Variants in MYO9A observed in about 807,000 individuals in gnomAD.
The protein encoded by MYO9A is unconventional myosin-IXa.
MYO9A carries 103 observed loss-of-function variants against 293.3 expected under a neutral mutation model. That is an observed-to-expected ratio of 0.35 (90% CI 0.30 to 0.41). The LOEUF (loss-of-function observed/expected upper bound fraction) is 0.41. Ranked by LOEUF, MYO9A falls within the 10% of genes least tolerant of loss-of-function variation. The probability of loss-of-function intolerance (pLI) is 1.00; values close to 1 mark genes in which losing one functional copy is unlikely to be tolerated. For synonymous variants in MYO9A, 1,001 were observed against 1,035.7 expected (o/e 0.97, Z 0.64); for missense variants, 2,685 against 3,033.0 (o/e 0.89, Z 2.69).
At chr15:72,013,154 CAGACT>C (rs1320445246) in intron 6 of MYO9A, among the ~76,000 whole-genome samples, 2 of 152,130 alleles carry the variant, frequency 1.3e-5, no homozygotes, top group Non-Finnish European at 2.9e-5. Context: ...AAAGAGAAGA[CAGACT>C]AAACAGTCTG....
At chr15:72,078,409 T>C (rs987554127) in intron 1 of MYO9A, among the ~76,000 whole-genome samples, 2 of 152,066 alleles carry the variant, frequency 1.3e-5, no homozygotes, top group Non-Finnish European at 2.9e-5. Flanking sequence ...AGAGGATCCC[T>C]TGAACCAGAA....
intron 4 of MYO9A, among the ~76,000 whole-genome samples, chr15:72,025,642 A>T (rs1385000394): frequency 1.3e-5 from 2 of 152,132 alleles, no homozygotes; most frequent in Non-Finnish European, 2.9e-5. Flanking sequence ...GAGCCAGTGC[A>T]CCCGGCCACA....
At position 72,007,835 on chromosome 15, in the gene MYO9A, T is replaced by G. The variant is rs780515573; in HGVS notation, c.1371A>C (p.Glu457Asp). The change falls in exon 8 of 42, where the codon GAA (glutamate) becomes GAC (aspartate). Residue 457 changes from glutamate to aspartate, a missense_variant. Physicochemically the swap from Glu to Asp is conservative, Grantham distance 45 (BLOSUM62 2). Around this residue, in one of 10 missense-constraint regions of MYO9A, gnomAD observed 289 missense variants for 456.8 expected, o/e 0.63. Transcript: ENST00000356056. Reference protein sequence around the residue: ...CNPEVLPIVSELLEVKEEMLF... With the variant: ...CNPEVLPIVSDLLEVKEEMLF... ...AAATGTAATCACTCACCTCTAATAA[T>G]TCTGAGACAATAGGCAGAACTTCAG... The G allele has an allele frequency of 1.4e-5, 23 of 1,609,738 alleles. No homozygotes were observed. Among genetic ancestry groups the G allele is most frequent in the Non-Finnish European group, 1.7e-6 (2 of 1,178,790 alleles).
chr15:71,898,989 C>T lies in MYO9A; in HGVS notation c.3514G>A (p.Glu1172Lys). ...KEQRLRETKP[E>K]VGLVNIKGYG... ...CCCTTAATATTCACCAATCCAACTTCTGGCTTTGTTTCTCTTAGCCTTTGT... is the reference window on the plus strand; with the variant it reads ...CCCTTAATATTCACCAATCCAACTTTTGGCTTTGTTTCTCTTAGCCTTTGT... The change falls in exon 25 of 42, where the codon GAA (glutamate) becomes AAA (lysine). Residue 1172 changes from glutamate (E) to lysine (K), a missense_variant. Coordinates refer to ENST00000356056, the MANE Select transcript of MYO9A (RefSeq NM_006901.4). 6.2e-7 allele frequency: 1 copy of T among 1,613,016 alleles called. No homozygotes were observed. Among genetic ancestry groups the T allele is most frequent in the Non-Finnish European group, 8.5e-7 (1 of 1,179,342 alleles).
intron 2 of MYO9A, among the ~76,000 whole-genome samples, chr15:72,037,241 G>A (rs1212387898): frequency 9.1e-5 from 11 of 120,468 alleles, no homozygotes; most frequent in Non-Finnish European, 1.6e-5. Context: ...ACTGCTTAAG[G>A]TGGCAATAAC....
intron 6 of MYO9A, among the ~76,000 whole-genome samples, chr15:72,015,010 A>AT (rs34039364): frequency 0.53 from 71,811 of 134,664 alleles, 23,260 homozygotes; most frequent in Non-Finnish European, 0.72. Flanking sequence ...CGCCCTGCTA[A>AT]TTTTTTTTTT....
chr15:71,933,495 G>A (rs1305675056), intron 18 of MYO9A, among the ~76,000 whole-genome samples, 175 bp downstream of exon 18: 1 of 151,972 alleles, frequency 6.6e-6, no homozygotes, highest in East Asian at 1.9e-4. Flanking sequence ...GAACCATTAG[G>A]CTCAGCCATT....
intron 18 of MYO9A, among the ~76,000 whole-genome samples, chr15:71,929,640 C>T (rs1329291202): frequency 3.3e-5 from 5 of 152,216 alleles, no homozygotes; most frequent in African/African-American, 1.2e-4. Context: ...TAAACCCCAA[C>T]TGATCATGGT....
chr15:71,852,427 G>GACGCA, intron 35 of MYO9A, 167 bp from the exon 36 acceptor site: 3 of 523,492 alleles, frequency 5.7e-6, no homozygotes, highest in Non-Finnish European at 9.1e-6. Context: ...GCAATGGTGT[G>GACGCA]ATCTCAGCTC....
At chr15:72,065,798 GATT>G (rs1254260478) in intron 1 of MYO9A, among the ~76,000 whole-genome samples, 8 of 152,088 alleles carry the variant, frequency 5.3e-5, no homozygotes, top group Non-Finnish European at 8.8e-5. Flanking sequence ...GACTTAAACA[GATT>G]ATTATGAGGA....
In MYO9A at chr15:71,824,733, T is replaced by TAACTA. The variant is rs1442602587; in HGVS notation, c.*1842_*1846dup. Reference sequence around the variant, plus strand: ...GATATAAAGCATAACATTTGCTCATTAACTATCATTATTCTGGAGATTTTA... The same window carrying TAACTA: ...GATATAAAGCATAACATTTGCTCATTAACTAAACTATCATTATTCTGGAGATTTTA... On this transcript the variant is annotated 3_prime_UTR_variant, in exon 42 of 42. Transcript: ENST00000356056. 3 of 152,242 alleles carry TAACTA rather than the reference T, an allele frequency of 2.0e-5. No homozygotes were observed. The highest frequency in any genetic ancestry group is 4.4e-5 in the Non-Finnish European group (3 of 68,046). 9.4% of individuals were successfully genotyped at this position (152,242 alleles called of 1,614,324 possible). A position where few individuals can be genotyped will look rare whatever the true frequency, so the allele number is the denominator to read the frequency against.
chr15:71,933,311 T>C (rs1018769270), intron 18 of MYO9A, among the ~76,000 whole-genome samples: 5 of 152,114 alleles, frequency 3.3e-5, no homozygotes, highest in African/African-American at 1.2e-4. Context: ...TTGGATTAGG[T>C]GAGCACTAAT....
chr15:72,052,030 C>T (rs2078581011), intron 1 of MYO9A, among the ~76,000 whole-genome samples: 1 of 152,200 alleles, frequency 6.6e-6, no homozygotes. Flanking sequence ...CACACACCCT[C>T]CCTGCTGAGA....
At chr15:71,843,928 G>GT (rs1441345602) in intron 39 of MYO9A, among the ~76,000 whole-genome samples, 3 of 152,196 alleles carry the variant, frequency 2.0e-5, no homozygotes, top group African/African-American at 7.2e-5. Context: ...CTGAGACTTT[G>GT]TGAGTCCTGG....
chr15:71,853,132 G>A (rs2055725061), intron 35 of MYO9A, among the ~76,000 whole-genome samples: 1 of 138,622 alleles, frequency 7.2e-6, no homozygotes, highest in South Asian at 2.2e-4. Context: ...TTTTCGTGCT[G>A]AAGCACTGTT....
At chr15:72,036,211 C>A (rs1596442067) in intron 2 of MYO9A, among the ~76,000 whole-genome samples, 1 of 152,154 alleles carries the variant, frequency 6.6e-6, no homozygotes, top group East Asian at 1.9e-4. Context: ...GGAAGAACAG[C>A]AGAAATGGTT....
At position 71,904,989 on chromosome 15, in the gene MYO9A, T is replaced by C; in HGVS notation, c.2703A>G (p.Leu901=). The C allele has an allele frequency of 1.2e-6, 2 of 1,603,978 alleles. No individual in the cohort carries two copies. The highest frequency in any genetic ancestry group is 2.2e-5 in the South Asian group (2 of 89,572). The change falls in exon 20 of 42, where the codon CTA becomes CTG. Residue 901 remains leucine (L), a synonymous_variant. Coordinates refer to ENST00000356056, the MANE Select transcript of MYO9A (RefSeq NM_006901.4). ...SAQFQASLSK[L]METLGQAEPY... is the part of the protein sequence containing the mutation. The stretch of plus-strand genomic sequence containing the variant: ...GTTCTGCTTGACCAAGTGTTTCCAT[T>C]AGCTTGCTTAATGATGCCTGCAACA...
At position 72,013,466 on chromosome 15, in the gene MYO9A, G is replaced by A. The variant is rs555635923; in HGVS notation, c.1156-3019C>T. Among the ~76,000 whole-genome samples the A allele has an allele frequency of 3.7e-4, 57 of 152,290 alleles. 1 individual carries two copies. In the South Asian group the frequency reaches 0.011, roughly 30 times the overall value. On this transcript the variant is annotated intron_variant, in intron 6 of 41. Coordinates refer to ENST00000356056, the MANE Select transcript of MYO9A (RefSeq NM_006901.4). ...AGGAAATGGTAAGGTTCGTTCCAAG[G>A]ATAAGGCAGGGAACTAACCAACAAC...
chr15:71,997,261 T>C (rs990808336), intron 9 of MYO9A, among the ~76,000 whole-genome samples: 5 of 152,150 alleles, frequency 3.3e-5, no homozygotes, highest in Non-Finnish European at 7.3e-5. Context: ...GTACCCCTAA[T>C]GCTTTGCACA....
Sources: gnomAD v4.1 joint callset for allele counts (sites outside exome capture counted in the v4.1 genomes callset) on GRCh38, gnomAD v4.1.1 for gene constraint, gnomAD v4.1.1 regional missense constraint, MANE v1.5 for transcripts, NCBI Gene and HGNC (gene_info 2026-07-23, HGNC 2026-07-21) for gene names.